Variants in RIMS2 observed in about 807,000 individuals in gnomAD.
RIMS2 encodes the protein regulating synaptic membrane exocytosis protein 2.
Under a neutral mutation model 174.4 loss-of-function variants are expected in RIMS2, and 59 were observed. That is an observed-to-expected ratio of 0.34 (90% CI 0.27 to 0.42). RIMS2 has a LOEUF of 0.42. Ranked by LOEUF, RIMS2 falls within the 10% of genes least tolerant of loss-of-function variation. The pLI is 1.00. For synonymous variants in RIMS2, 606 were observed against 572.5 expected (o/e 1.06, Z -0.84); for missense variants, 1,620 against 1,666.3 (o/e 0.97, Z 0.48).
chr8:103,866,668 T>G (rs2099085950), intron 3 of RIMS2, among the ~76,000 whole-genome samples: 1 of 152,126 alleles, frequency 6.6e-6, no homozygotes, highest in Non-Finnish European at 1.5e-5. Flanking sequence ...ATTAACGTTG[T>G]CTTTGTATAA....
chr8:103,601,586 C>T (rs2094744324), intron 1 of RIMS2, among the ~76,000 whole-genome samples: 1 of 151,926 alleles, frequency 6.6e-6, no homozygotes. Context: ...TTCTTGTAGG[C>T]AACAGATCAT....
rs116967929 is a variant in RIMS2, at chr8:103,727,673, A to G, written c.387+30377A>G. Among the ~76,000 whole-genome samples the G allele has an allele frequency of 8.4e-3, 1,277 of 152,272 alleles. 7 individuals are homozygous for G. Among genetic ancestry groups the G allele is most frequent in the Admixed American group, 0.019 (287 of 15,286 alleles). On this transcript the variant is annotated intron_variant, in intron 2 of 23. Transcript: ENST00000504942. Reference sequence around the variant, plus strand: ...CTGTGTATGGATATGCAGTTTCCCCATCACCATTTATTGAGGAGACTGACA... The same window carrying G: ...CTGTGTATGGATATGCAGTTTCCCCGTCACCATTTATTGAGGAGACTGACA...
At chr8:104,126,684 A>G (rs2098434564) in intron 19 of RIMS2, among the ~76,000 whole-genome samples, 1 of 152,244 alleles carries the variant, frequency 6.6e-6, no homozygotes, top group African/African-American at 2.4e-5. Context: ...TGCCTACCAT[A>G]GGGTAAGCTT....
intron 19 of RIMS2, among the ~76,000 whole-genome samples, chr8:104,042,659 A>G (rs1325037232): frequency 6.6e-6 from 1 of 151,678 alleles, no homozygotes; most frequent in Admixed American, 6.6e-5. Flanking sequence ...ACATTTTATC[A>G]GGATAGAGAA....
intron 19 of RIMS2, among the ~76,000 whole-genome samples, chr8:104,057,328 A>G (rs2096887917): frequency 6.6e-6 from 1 of 151,916 alleles, no homozygotes; most frequent in Non-Finnish European, 1.5e-5. Context: ...TCAGCCTCTC[A>G]AAGTGCTGTG....
At chr8:103,727,321 T>C (rs2097538490) in intron 2 of RIMS2, among the ~76,000 whole-genome samples, 1 of 152,214 alleles carries the variant, frequency 6.6e-6, no homozygotes, top group African/African-American at 2.4e-5. Flanking sequence ...TATATTCACT[T>C]ATGAAACTAG....
chr8:103,767,210 A>G (rs2098184219), intron 3 of RIMS2, among the ~76,000 whole-genome samples: 1 of 142,024 alleles, frequency 7.0e-6, no homozygotes, highest in South Asian at 2.2e-4. Context: ...TTTTTTTGAG[A>G]TGGAGTCTCG....
At chr8:103,610,098 G>A (rs573836044) in intron 1 of RIMS2, among the ~76,000 whole-genome samples, 2 of 151,984 alleles carry the variant, frequency 1.3e-5, no homozygotes, top group East Asian at 1.9e-4. Flanking sequence ...TGGCAGTTGC[G>A]AATGGAACTG....
In RIMS2 at chr8:104,179,649, A is replaced by G. The variant is rs570888340; in HGVS notation, c.3335-65267A>G. ...TCAGCTAGGAAAATGTAGTAAAATAACAGCAAATTATTTTCAAATTGTAAA... is the reference window on the plus strand; with the variant it reads ...TCAGCTAGGAAAATGTAGTAAAATAGCAGCAAATTATTTTCAAATTGTAAA... On this transcript the variant is annotated intron_variant, in intron 19 of 23. Transcript: ENST00000504942. Among the ~76,000 whole-genome samples, 170 of 152,034 alleles carry G rather than the reference A, an allele frequency of 1.1e-3. 1 individual carries two copies. The highest frequency in any genetic ancestry group is 3.8e-3 in the African/African-American group (158 of 41,560).
chr8:103,937,288 A>G (rs2081489439), intron 13 of RIMS2, among the ~76,000 whole-genome samples: 1 of 151,962 alleles, frequency 6.6e-6, no homozygotes, highest in Non-Finnish European at 1.5e-5. Flanking sequence ...TTATTTTAGA[A>G]CTCTCAGTGT....
intron 19 of RIMS2, among the ~76,000 whole-genome samples, chr8:104,072,409 G>A (rs1394033942): frequency 6.6e-6 from 1 of 151,944 alleles, no homozygotes; most frequent in African/African-American, 2.4e-5. Context: ...TCTAGTTGCT[G>A]AAGAAAATCA....
intron 1 of RIMS2, among the ~76,000 whole-genome samples, chr8:103,532,625 C>G (rs2469979): frequency 6.6e-6 from 1 of 152,062 alleles, no homozygotes; most frequent in South Asian, 2.1e-4. Flanking sequence ...TGCTTTTGCA[C>G]TACACTGGCA....
intron 9 of RIMS2, among the ~76,000 whole-genome samples, chr8:103,920,457 T>C (rs1474600633): frequency 6.6e-6 from 1 of 152,180 alleles, no homozygotes; most frequent in Non-Finnish European, 1.5e-5. Context: ...TCATTCTTTC[T>C]ACTTGCTAGT....
rs542960251 is a variant in RIMS2 at position 104,072,696 on chromosome 8, T to A, written c.3334+58081T>A. ...GTACAGTTCACATTCTACATGGCAT[T>A]GCTCCCTGAATTTCTCAAGACTTCT... On this transcript the variant is annotated intron_variant, in intron 19 of 23. Transcript: ENST00000504942. 1.4e-4 allele frequency among the ~76,000 whole-genome samples: 21 copies of A among 152,296 alleles called. No individual in the cohort carries two copies. The South Asian group carries it at 4.3e-3, about 32-fold the overall frequency.
intron 1 of RIMS2, among the ~76,000 whole-genome samples, chr8:103,614,846 C>T (rs562187851): frequency 6.6e-6 from 1 of 152,176 alleles, no homozygotes; most frequent in Non-Finnish European, 1.5e-5. Flanking sequence ...TGTTTCGGGA[C>T]AGTGCTGTTG....
intron 2 of RIMS2, among the ~76,000 whole-genome samples, chr8:103,741,093 A>G (rs1392150952): frequency 6.6e-6 from 1 of 152,084 alleles, no homozygotes; most frequent in African/African-American, 2.4e-5. Context: ...ATAATTATTA[A>G]TACACAATTG....
At chr8:103,947,757 A>G (rs2084179991) in intron 14 of RIMS2, among the ~76,000 whole-genome samples, 1 of 152,176 alleles carries the variant, frequency 6.6e-6, no homozygotes, top group Non-Finnish European at 1.5e-5. Context: ...CTTTATAAAC[A>G]TCGAACACTT....
At chr8:103,578,381 T>A (rs796485649) in intron 1 of RIMS2, among the ~76,000 whole-genome samples, 46 of 151,858 alleles carry the variant, frequency 3.0e-4, no homozygotes, top group African/African-American at 1.1e-3. Flanking sequence ...AATACAAAAA[T>A]TAGCTGAGAG....
chr8:103,828,396 C>A (rs2098804804), intron 3 of RIMS2, among the ~76,000 whole-genome samples: 1 of 152,136 alleles, frequency 6.6e-6, no homozygotes, highest in African/African-American at 2.4e-5. Flanking sequence ...TGAGATGTGT[C>A]TGCTTATGTG....
Sources: gnomAD v4.1 joint callset for allele counts (sites outside exome capture counted in the v4.1 genomes callset) on GRCh38, gnomAD v4.1.1 for gene constraint, MANE v1.5 for transcripts, NCBI Gene and HGNC (gene_info 2026-07-23, HGNC 2026-07-21) for gene names.